GABRR2: variants seen among roughly 807,000 people sequenced by gnomAD.
GABRR2 encodes gamma-aminobutyric acid type A receptor subunit rho2, also known as gamma-aminobutyric acid receptor subunit rho-2.
In GABRR2, 36 loss-of-function variants were observed where a neutral mutation model predicts 47.0. The ratio of observed to expected loss-of-function variants is 0.77; its 90% CI spans 0.59 to 1.01. GABRR2 has a LOEUF of 1.01. Among genes scored for constraint, GABRR2 ranks in the 50% least tolerant of loss-of-function variants. GABRR2 has a pLI of 0.00. For synonymous variants in GABRR2, 204 were observed against 227.5 expected (o/e 0.90, Z 0.93); for missense variants, 587 against 594.6 (o/e 0.99, Z 0.13).
At chr6:89,301,812 C>T in intron 1 of GABRR2, 3 of 911,308 alleles carry the variant, frequency 3.3e-6, no homozygotes, top group South Asian at 1.3e-5. Flanking sequence ...TTCAGGCCGG[C>T]CAGTGCGGCA....
At chr6:89,297,721 T>C (rs187911227) in intron 2 of GABRR2, among the ~76,000 whole-genome samples, 15 of 152,206 alleles carry the variant, frequency 9.9e-5, no homozygotes, top group African/African-American at 2.6e-4. Flanking sequence ...GGCATGGTGG[T>C]GCATGCCTGC....
intron 2 of GABRR2, among the ~76,000 whole-genome samples, chr6:89,276,044 T>C (rs911020917): frequency 1.4e-5 from 2 of 148,128 alleles, no homozygotes; most frequent in African/African-American, 4.9e-5. Flanking sequence ...ATTAAAATAT[T>C]ATAAATATAA....
intron 1 of GABRR2, among the ~76,000 whole-genome samples, chr6:89,306,706 C>A (rs770898146): frequency 3.9e-5 from 6 of 152,076 alleles, no homozygotes; most frequent in Non-Finnish European, 7.4e-5. Flanking sequence ...AGATCATTTT[C>A]TTCACCACAA....
chr6:89,307,602 GC>G (rs1194792619), intron 1 of GABRR2, among the ~76,000 whole-genome samples: 4 of 152,176 alleles, frequency 2.6e-5, no homozygotes, highest in Non-Finnish European at 5.9e-5. Flanking sequence ...CCTGAGAGCT[GC>G]CCAGGGCACC....
Position 89,264,473 on chromosome 6 carries a change from T to C in GABRR2, c.1025A>G (p.Tyr342Cys), listed in dbSNP as rs755832775. Residue 342 changes from tyrosine to cysteine, a missense_variant, in exon 8 of 9, where the codon TAT becomes TGT. By Grantham distance (194) the Tyr-to-Cys change is radical (BLOSUM62 -2). Coordinates refer to ENST00000402938, the MANE Select transcript of GABRR2 (RefSeq NM_002043.5). ...GGTGGTCAGGTAGTTGACAGCCGCATACTCCAGCACCGAGAGGAACACGAA... is the reference window on the plus strand; with the variant it reads ...GGTGGTCAGGTAGTTGACAGCCGCACACTCCAGCACCGAGAGGAACACGAA... ...FVFVFLSVLE[Y>C]AAVNYLTTVQ... 3.1e-6 allele frequency: 5 copies of C among 1,613,990 alleles called. No individual in the cohort carries two copies. The Admixed American group carries it at 6.7e-5, about 22-fold the overall frequency.
chr6:89,269,327 A>G, intron 3 of GABRR2, 93 bp from the exon 4 acceptor site: 1 of 925,440 alleles, frequency 1.1e-6, no homozygotes, highest in South Asian at 1.4e-5. Flanking sequence ...TGAACATCTC[A>G]GGCTCAGCAT....
In GABRR2 at chr6:89,257,381, G is replaced by C. The variant is rs1773623492; in HGVS notation, c.*289C>G. The C allele has an allele frequency of 5.2e-6, 2 of 386,586 alleles. No individual in the cohort carries two copies. Among genetic ancestry groups the C allele is most frequent in the South Asian group, 8.8e-5 (2 of 22,630 alleles). 23.9% of individuals were successfully genotyped at this position (386,586 alleles called of 1,614,324 possible). A position where few individuals can be genotyped will look rare whatever the true frequency, so the allele number is the denominator to read the frequency against. ...ATGTCTAGGAGGCATTTGAATCCTT[G>C]TTTATAGGAGGGGAGTTCTTGTGAA... On this transcript the variant is annotated 3_prime_UTR_variant, in exon 9 of 9. Coordinates refer to ENST00000402938, the MANE Select transcript of GABRR2 (RefSeq NM_002043.5).
At chr6:89,263,872 T>A (rs1562349551) in intron 8 of GABRR2, among the ~76,000 whole-genome samples, 1 of 152,230 alleles carries the variant, frequency 6.6e-6, no homozygotes, top group Non-Finnish European at 1.5e-5. Context: ...TAAAAGGTTT[T>A]TTTTTAAAGA....
chr6:89,290,269 C>A (rs951451119), intron 2 of GABRR2, among the ~76,000 whole-genome samples: 2 of 152,256 alleles, frequency 1.3e-5, no homozygotes, highest in African/African-American at 4.8e-5. Flanking sequence ...CTGGGCCCAG[C>A]ACATGAGCTG....
chr6:89,301,543 A>G (rs1415187840), intron 1 of GABRR2, among the ~76,000 whole-genome samples: 1 of 152,158 alleles, frequency 6.6e-6, no homozygotes, highest in Non-Finnish European at 1.5e-5. Flanking sequence ...TACAAGATCA[A>G]TGTAAAAAAT....
In GABRR2 at chr6:89,297,231, C is replaced by T. The variant is rs564047045; in HGVS notation, c.220+2528G>A. On this transcript the variant is annotated intron_variant, in intron 2 of 8. Coordinates refer to ENST00000402938, the MANE Select transcript of GABRR2 (RefSeq NM_002043.5). ...ATATTAATAGTATATATTAAAACAA[C>T]TTCTGCTTAAAAGTTTGTTTTTCTT... Among the ~76,000 whole-genome samples the T allele has an allele frequency of 3.9e-5, 6 of 152,216 alleles. 1 individual carries two copies. In the South Asian group the frequency reaches 1.2e-3, roughly 32 times the overall value.
chr6:89,309,046 A>C (rs1767629788), intron 1 of GABRR2, among the ~76,000 whole-genome samples: 1 of 152,160 alleles, frequency 6.6e-6, no homozygotes, highest in Admixed American at 6.5e-5. Context: ...GATTCTTCTG[A>C]GTCCTGGAGG....
chr6:89,310,040 T>C (rs1767653959), intron 1 of GABRR2, among the ~76,000 whole-genome samples: 1 of 151,576 alleles, frequency 6.6e-6, no homozygotes, highest in South Asian at 2.1e-4. Context: ...CTGCTGGGAT[T>C]ACAGGCATGA....
chr6:89,262,330 C>T (rs955176597), intron 8 of GABRR2, among the ~76,000 whole-genome samples: 6 of 152,174 alleles, frequency 3.9e-5, no homozygotes, highest in Admixed American at 3.9e-4. Flanking sequence ...GTTCAATAGG[C>T]ATGTGTCAGG....
chr6:89,296,398 C>T (rs180733364), intron 2 of GABRR2, among the ~76,000 whole-genome samples: 6 of 152,316 alleles, frequency 3.9e-5, no homozygotes, highest in Admixed American at 2.6e-4. Context: ...CTCCTCCCCC[C>T]GTTTCATCCA....
At chr6:89,267,424 T>G (rs1773923850) in intron 6 of GABRR2, among the ~76,000 whole-genome samples, 1 of 152,012 alleles carries the variant, frequency 6.6e-6, no homozygotes, top group Non-Finnish European at 1.5e-5. Context: ...AAAAATTAGC[T>G]GGACATGGTG....
At chr6:89,264,696 T>C in intron 7 of GABRR2, 88 bp from the exon 8 acceptor site, 1 of 1,485,518 alleles carries the variant, frequency 6.7e-7, no homozygotes, top group Non-Finnish European at 9.2e-7. Context: ...ACTCTCTATC[T>C]CTTAAACCAC....
intron 2 of GABRR2, among the ~76,000 whole-genome samples, chr6:89,292,733 A>C (rs149140967): frequency 0.02 from 1,948 of 98,664 alleles, 754 homozygotes; most frequent in East Asian, 0.033. Context: ...TATCGTATAT[A>C]TCATATATAA....
At chr6:89,314,508 T>G (rs1273925266) in intron 1 of GABRR2, among the ~76,000 whole-genome samples, 1 of 152,242 alleles carries the variant, frequency 6.6e-6, no homozygotes, top group Admixed American at 6.5e-5. Flanking sequence ...CACACATATA[T>G]TTCTGATAAT....
Sources: allele counts gnomAD v4.1 joint callset (sites outside exome capture counted in the v4.1 genomes callset), GRCh38; gene constraint gnomAD v4.1.1; transcripts MANE v1.5; gene names NCBI Gene and HGNC (gene_info 2026-07-23, HGNC 2026-07-21).